Variants in NTN1 observed in about 807,000 individuals in gnomAD.
NTN1 encodes the protein netrin-1.
Under a neutral mutation model 54.2 loss-of-function variants are expected in NTN1, and 11 were observed. The ratio of observed to expected loss-of-function variants is 0.20; its 90% CI spans 0.13 to 0.34. The LOEUF is 0.34. Ranked by LOEUF, NTN1 falls within the 10% of genes least tolerant of loss-of-function variation. The probability of loss-of-function intolerance (pLI) is 1.00; values close to 1 mark genes in which losing one functional copy is unlikely to be tolerated. For synonymous variants in NTN1, 371 were observed against 382.0 expected, an observed-to-expected ratio of 0.97 and a Z score of 0.33; for missense variants, 740 against 893.1, an observed-to-expected ratio of 0.83 and a Z score of 2.18.
intron 2 of NTN1, among the ~76,000 whole-genome samples, chr17:9,104,724 C>CT (rs1005974367): frequency 2.0e-5 from 3 of 152,188 alleles, no homozygotes; most frequent in African/African-American, 7.2e-5. Flanking sequence ...CTGGTCTGGC[C>CT]TTTTTTTGAA....
At chr17:9,012,465 C>T in the NTN1 span, among the ~76,000 whole-genome samples, 4 of 151,684 alleles carry the variant, frequency 2.6e-5, no homozygotes, top group South Asian at 2.1e-4. Context: ...GAGCTGAGAT[C>T]GCACCACTGC....
intron 6 of NTN1, among the ~76,000 whole-genome samples, chr17:9,230,501 G>A (rs796311830): frequency 3.4e-5 from 5 of 148,656 alleles, no homozygotes; most frequent in African/African-American, 7.4e-5. Context: ...AGCTGGGCCC[G>A]CGTGAGTCAG....
At chr17:9,189,745 G>A (rs1490178940) in intron 5 of NTN1, among the ~76,000 whole-genome samples, 4 of 152,158 alleles carry the variant, frequency 2.6e-5, no homozygotes, top group Admixed American at 1.3e-4. Flanking sequence ...AGTATCCACT[G>A]AGGGGTGACC....
chr17:9,107,243 C>T (rs1386100635), intron 2 of NTN1, among the ~76,000 whole-genome samples: 3 of 152,138 alleles, frequency 2.0e-5, no homozygotes, highest in Non-Finnish European at 2.9e-5. Flanking sequence ...TTTTGTAATC[C>T]CAACACTAAT....
intron 5 of NTN1, among the ~76,000 whole-genome samples, chr17:9,203,065 G>C (rs1187963180): frequency 6.6e-6 from 1 of 152,148 alleles, no homozygotes; most frequent in Non-Finnish European, 1.5e-5. Context: ...GGGACTACAG[G>C]CGCTGGCCAC....
At chr17:9,078,181 C>T (rs910668675) in intron 2 of NTN1, among the ~76,000 whole-genome samples, 9 of 152,170 alleles carry the variant, frequency 5.9e-5, no homozygotes, top group East Asian at 1.9e-4. Flanking sequence ...AGAAGAATGG[C>T]GATCCCTTGC....
At chr17:9,222,136 C>G (rs1012955383) in intron 6 of NTN1, among the ~76,000 whole-genome samples, 4 of 152,236 alleles carry the variant, frequency 2.6e-5, no homozygotes, top group African/African-American at 9.6e-5. Context: ...TTCTTTCTAG[C>G]ACGGGGCCTC....
chr17:9,149,855 G>T (rs899934218), intron 2 of NTN1, among the ~76,000 whole-genome samples: 34 of 152,046 alleles, frequency 2.2e-4, no homozygotes, highest in African/African-American at 8.2e-4. Context: ...ATCACTTGAG[G>T]TAGGAGTTCG....
chr17:9,006,179 T>C, the NTN1 span, among the ~76,000 whole-genome samples: 1 of 25,086 alleles, frequency 4.0e-5, no homozygotes, highest in Non-Finnish European at 7.8e-5. Flanking sequence ...GGTACGGGGG[T>C]GGTGGGTAGT....
chr17:9,120,153 C>T (rs1046107966), intron 2 of NTN1, among the ~76,000 whole-genome samples: 9 of 151,850 alleles, frequency 5.9e-5, no homozygotes, highest in African/African-American at 1.9e-4. Flanking sequence ...GGCATGGTGG[C>T]GGGCGCCTGT....
At chr17:9,137,899 G>A (rs2092286013) in intron 2 of NTN1, among the ~76,000 whole-genome samples, 1 of 152,248 alleles carries the variant, frequency 6.6e-6, no homozygotes, top group Non-Finnish European at 1.5e-5. Flanking sequence ...TCAGGAATGA[G>A]GTGGATGTTT....
intron 5 of NTN1, among the ~76,000 whole-genome samples, chr17:9,204,296 C>T (rs1157861780): frequency 6.9e-6 from 1 of 144,550 alleles, no homozygotes; most frequent in Non-Finnish European, 1.5e-5. Flanking sequence ...CTCTTTCTCT[C>T]TCTCTCTCTC....
At chr17:9,192,574 G>T (rs996920815) in intron 5 of NTN1, among the ~76,000 whole-genome samples, 3 of 152,178 alleles carry the variant, frequency 2.0e-5, no homozygotes, top group Non-Finnish European at 2.9e-5. Flanking sequence ...ATGCAGCCAA[G>T]TATCTTGTGT....
rs758248788 is a variant in NTN1 at position 9,211,526 on chromosome 17, G to C, written c.1412-9642G>C. Among the ~76,000 whole-genome samples the C allele has an allele frequency of 1.3e-5, 2 of 152,206 alleles. No homozygotes were observed. The highest frequency in any genetic ancestry group is 6.5e-5 in the Admixed American group (1 of 15,284). On this transcript the variant is annotated intron_variant, in intron 5 of 6. Coordinates refer to ENST00000173229, the MANE Select transcript of NTN1 (RefSeq NM_004822.3). The surrounding 1 kb of genome is among the most constrained non-coding windows in gnomAD (Gnocchi z 4.4). ...GGATCACCCAGTGCCTCCCAGAGCT[G>C]TTCATGTGGGAAGTGCTTCATCAAA...
At chr17:9,126,398 T>A (rs543746688) in intron 2 of NTN1, among the ~76,000 whole-genome samples, 2 of 152,176 alleles carry the variant, frequency 1.3e-5, no homozygotes, top group African/African-American at 4.8e-5. Context: ...TAATCCCAGC[T>A]ACTCGGGAGG....
In NTN1 at chr17:9,239,297, C is replaced by T. The variant is rs1399835769; in HGVS notation, c.1487-343C>T. 6.6e-6 allele frequency among the ~76,000 whole-genome samples: 1 copy of T among 152,174 alleles called. No homozygotes were observed. Among genetic ancestry groups the T allele is most frequent in the Non-Finnish European group, 1.5e-5 (1 of 68,038 alleles). ...TCTCCCCGCCAGCACTGCTCTCACC[C>T]GAGCGCCTGCCCTGGGCAGACAGCT... On this transcript the variant is annotated intron_variant, in intron 6 of 6. Transcript: ENST00000173229. The surrounding 1 kb of genome is among the most constrained non-coding windows in gnomAD (Gnocchi z 5.2).
At chr17:9,226,162 C>CAGGGGGGGGGGGGGG (rs772507723) in intron 6 of NTN1, among the ~76,000 whole-genome samples, 1 of 116,454 alleles carries the variant, frequency 8.6e-6, no homozygotes, top group African/African-American at 3.2e-5. Context: ...GATTTGGGGT[C>CAGGGGGGGGGGGGGG]GGGGGGGGGC....
At chr17:9,096,290 A>C (rs2092131633) in intron 2 of NTN1, among the ~76,000 whole-genome samples, 1 of 148,672 alleles carries the variant, frequency 6.7e-6, no homozygotes, top group South Asian at 2.2e-4. Flanking sequence ...TATGAAAGAA[A>C]CTGGCTTTTA....
chr17:9,176,437 T>G (rs534450198), intron 3 of NTN1: 1 of 152,374 alleles, frequency 6.6e-6, no homozygotes, highest in South Asian at 2.1e-4. Context: ...GCAGGATGCT[T>G]TTGACTTCCT....
Sources: allele counts gnomAD v4.1 joint callset (sites outside exome capture counted in the v4.1 genomes callset), GRCh38; gene constraint gnomAD v4.1.1; non-coding constraint Gnocchi (gnomAD v3.1); transcripts MANE v1.5; gene names NCBI Gene and HGNC (gene_info 2026-07-23, HGNC 2026-07-21).